Variants in KCTD13 observed in about 807,000 individuals in gnomAD.
KCTD13 encodes the protein potassium channel tetramerization domain containing 13.
Under a neutral mutation model 32.3 loss-of-function variants are expected in KCTD13, and 15 were observed. The ratio of observed to expected loss-of-function variants is 0.46; its 90% CI spans 0.31 to 0.71. The LOEUF (loss-of-function observed/expected upper bound fraction) is 0.71, where lower values mean the gene tolerates loss of function less well. Among genes scored for constraint, KCTD13 ranks in the 30% least tolerant of loss-of-function variants. The pLI is 0.05. For missense variants in KCTD13, 337 were observed against 452.6 expected, an observed-to-expected ratio of 0.74 and a Z score of 2.32; for synonymous variants, 189 against 200.1, an observed-to-expected ratio of 0.94 and a Z score of 0.47.
Position 29,911,876 on chromosome 16 carries a change from G to A in KCTD13, c.505-9C>T. 4 of 1,612,200 alleles carry A rather than the reference G, an allele frequency of 2.5e-6. No homozygotes were observed. The highest frequency in any genetic ancestry group is 3.4e-6 in the Non-Finnish European group (4 of 1,179,090). On this transcript the variant is annotated splice_polypyrimidine_tract_variant and intron_variant, in intron 3 of 5. Transcript: ENST00000568000. ...AGGAGCTTCACCACGGGCTGGCGGG[G>A]GAGAGAGGATGGACGAGAGGGGTGA... is the stretch of plus-strand genomic sequence containing the variant.
At chr16:29,922,921 G>A in intron 2 of KCTD13, 1 of 471,394 alleles carries the variant, frequency 2.1e-6, no homozygotes, top group Non-Finnish European at 3.7e-6. Flanking sequence ...TTACTCAGGT[G>A]CGAGTGTAAC....
intron 1 of KCTD13, chr16:29,925,538 C>T (rs1251351653): frequency 5.3e-6 from 3 of 561,378 alleles, no homozygotes; most frequent in Non-Finnish European, 9.6e-6. Context: ...CAATCACTTA[C>T]CACAGCGCCT....
intron 5 of KCTD13, among the ~76,000 whole-genome samples, chr16:29,908,761 G>A (rs1193620985): frequency 6.6e-6 from 1 of 151,436 alleles, no homozygotes; most frequent in African/African-American, 2.4e-5. Context: ...GGAGTGCAGT[G>A]GTGTGATCAT....
Position 29,926,108 on chromosome 16 carries a change from G to A in KCTD13, c.-75C>T. ...GGCCTGCTCCCGAAGACCCTCGGCC[G>A]GCCCCCAGCCCTTGGGCCAGACCGC... On this transcript the variant is annotated 5_prime_UTR_variant, in exon 1 of 6. Transcript: ENST00000568000. The A allele has an allele frequency of 7.0e-7, 1 of 1,421,016 alleles. No individual in the cohort carries two copies. The allele number at this position is 1,421,016 out of a possible 1,614,324, so 88.0% of individuals were successfully genotyped here.
chr16:29,918,948 G>GTGCC (rs1474687765), intron 2 of KCTD13, among the ~76,000 whole-genome samples: 2 of 152,034 alleles, frequency 1.3e-5, no homozygotes, highest in African/African-American at 4.8e-5. Context: ...ATGAGCCACC[G>GTGCC]CACCTGGCAT....
intron 1 of KCTD13, among the ~76,000 whole-genome samples, chr16:29,924,760 C>T (rs564938853): frequency 6.0e-5 from 9 of 150,828 alleles, no homozygotes; most frequent in African/African-American, 2.2e-4. Context: ...TCTCTGTCGC[C>T]CAGGCTGGAG....
chr16:29,923,018 G>T (rs2068938434), intron 2 of KCTD13, 172 bp downstream of exon 2: 2 of 649,630 alleles, frequency 3.1e-6, no homozygotes, highest in Non-Finnish European at 5.2e-6. Context: ...TGGGGTGGGG[G>T]TGCTGCCTGA....
chr16:29,924,782 T>C (rs1187310760), intron 1 of KCTD13, among the ~76,000 whole-genome samples: 2 of 150,716 alleles, frequency 1.3e-5, no homozygotes, highest in Non-Finnish European at 3.0e-5. Flanking sequence ...GCAGTGGCGC[T>C]GTCTCGGCTC....
chr16:29,911,891 G>A (rs767170734), intron 3 of KCTD13, 24 bp from the exon 4 acceptor site: 15 of 1,611,462 alleles, frequency 9.3e-6, no homozygotes, highest in South Asian at 3.3e-5. Context: ...GAGGATGGAC[G>A]AGAGGGGTGA....
At chr16:29,909,649 T>C (rs2068670849) in intron 5 of KCTD13, among the ~76,000 whole-genome samples, 1 of 151,992 alleles carries the variant, frequency 6.6e-6, no homozygotes, top group South Asian at 2.1e-4. Flanking sequence ...TCTGAGGTTT[T>C]AAGAATCTAT....
At chr16:29,911,630 G>C in intron 4 of KCTD13, 185 bp downstream of exon 4, 1 of 622,746 alleles carries the variant, frequency 1.6e-6, no homozygotes, top group East Asian at 2.7e-5. Flanking sequence ...ACTGATGACT[G>C]AGCTGAAGCT....
intron 1 of KCTD13, 127 bp downstream of exon 1, chr16:29,925,663 C>T: frequency 1.1e-6 from 1 of 892,200 alleles, no homozygotes; most frequent in Non-Finnish European, 1.7e-6. Context: ...CTGGAGGGAG[C>T]TGAGAATGAG....
intron 5 of KCTD13, among the ~76,000 whole-genome samples, chr16:29,909,963 G>C (rs1482581883): frequency 6.6e-6 from 1 of 151,978 alleles, no homozygotes; most frequent in Non-Finnish European, 1.5e-5. Context: ...GCCGGGCATG[G>C]AGGCGGGTGC....
At chr16:29,911,491 G>C (rs1025389227) in intron 4 of KCTD13, 31 of 562,074 alleles carry the variant, frequency 5.5e-5, no homozygotes, top group African/African-American at 9.5e-5. Context: ...TTGGTGTCCC[G>C]ACCTCCTCAT....
intron 1 of KCTD13, 199 bp downstream of exon 1, chr16:29,925,588 GTAA>G: frequency 3.3e-6 from 2 of 611,322 alleles, no homozygotes; most frequent in South Asian, 3.9e-5. Flanking sequence ...ATTGCTGGGG[GTAA>G]AGGATTGGGG....
intron 2 of KCTD13, chr16:29,921,558 G>A (rs959476189): frequency 6.6e-6 from 1 of 152,080 alleles, no homozygotes; most frequent in Non-Finnish European, 1.5e-5. Flanking sequence ...CGTCAAACAA[G>A]GATACAAGAT....
rs1410616673 is a variant in KCTD13, at chr16:29,907,127, C to G, written c.754-19G>C. 2 of 1,561,524 alleles carry G rather than the reference C, an allele frequency of 1.3e-6. No homozygotes were observed. Among genetic ancestry groups the G allele is most frequent in the Admixed American group, 3.5e-5 (2 of 57,808 alleles). ...ATTCCACCTGCAAAAGGCCAGCCGG[C>G]CCCAGCTCCTTCCTTCTGGTGCAGT... is the stretch of plus-strand genomic sequence containing the variant. On this transcript the variant is annotated intron_variant, in intron 5 of 5. Transcript: ENST00000568000.
chr16:29,919,043 C>T (rs1228422987), intron 2 of KCTD13, among the ~76,000 whole-genome samples: 1 of 152,220 alleles, frequency 6.6e-6, no homozygotes, highest in Non-Finnish European at 1.5e-5. Context: ...ATCCACCTGC[C>T]TTGGCCTCCC....
At chr16:29,914,251 C>CCA (rs1158183307) in intron 2 of KCTD13, 1 of 152,068 alleles carries the variant, frequency 6.6e-6, no homozygotes, top group Admixed American at 6.6e-5. Context: ...GCTCCACAGG[C>CCA]CACCGCTGGC....
Sources: allele counts gnomAD v4.1 joint callset (sites outside exome capture counted in the v4.1 genomes callset), GRCh38; gene constraint gnomAD v4.1.1; transcripts MANE v1.5; gene names NCBI Gene and HGNC (gene_info 2026-07-23, HGNC 2026-07-21).